Variants in EIF4E observed in about 807,000 individuals in gnomAD.
EIF4E encodes eIF-4F 25 kDa subunit.
For missense variants in EIF4E, 113 were observed against 265.6 expected (o/e 0.43, Z 3.99); for synonymous variants, 71 against 88.5 (o/e 0.80, Z 1.11).
chr4:98,892,732 CAG>C (rs771801785), intron 2 of EIF4E, among the ~76,000 whole-genome samples: 2 of 150,686 alleles, frequency 1.3e-5, no homozygotes, highest in Non-Finnish European at 2.9e-5. Context: ...TGATATTTCT[CAG>C]AGGAACAAAT....
intron 1 of EIF4E, among the ~76,000 whole-genome samples, chr4:98,927,600 A>G (rs181253290): frequency 1.5e-5 from 2 of 133,212 alleles, no homozygotes; most frequent in East Asian, 5.2e-4. Context: ...GGTTGCAGTG[A>G]GCCGAGATCA....
chr4:98,898,835 CAAT>C (rs1724527761), intron 2 of EIF4E, among the ~76,000 whole-genome samples: 1 of 151,636 alleles, frequency 6.6e-6, no homozygotes, highest in Non-Finnish European at 1.5e-5. Context: ...GTAGAGTCAC[CAAT>C]AATTTTTAAG....
chr4:98,915,333 A>G (rs1166789059), intron 1 of EIF4E, among the ~76,000 whole-genome samples: 1 of 152,204 alleles, frequency 6.6e-6, no homozygotes, highest in African/African-American at 2.4e-5. Context: ...GAAGTTCACA[A>G]ACAAGTGAAC....
At chr4:98,911,702 C>T (rs1725148931) in intron 1 of EIF4E, among the ~76,000 whole-genome samples, 1 of 147,446 alleles carries the variant, frequency 6.8e-6, no homozygotes, top group Non-Finnish European at 1.5e-5. Flanking sequence ...CTTGTGGTCA[C>T]CTTTTAACAT....
chr4:98,928,961 C>T, intron 1 of EIF4E, 134 bp downstream of exon 1: 2 of 1,578,268 alleles, frequency 1.3e-6, no homozygotes, highest in Non-Finnish European at 1.7e-6. Flanking sequence ...CGCGGGAGGT[C>T]AGGTCCAACA....
intron 5 of EIF4E, 186 bp downstream of exon 5, chr4:98,886,893 T>G: frequency 1.7e-6 from 1 of 577,958 alleles, no homozygotes; most frequent in Non-Finnish European, 3.1e-6. Context: ...ACTTATAATG[T>G]GGTAGGATGT....
chr4:98,901,743 C>T (rs2110198845), intron 2 of EIF4E, 133 bp downstream of exon 2: 3 of 838,826 alleles, frequency 3.6e-6, no homozygotes, highest in South Asian at 2.8e-5. Flanking sequence ...CATGGGTCAT[C>T]CAAGTGAAAA....
intron 1 of EIF4E, among the ~76,000 whole-genome samples, chr4:98,924,222 G>A (rs1177557698): frequency 1.3e-5 from 2 of 151,908 alleles, no homozygotes; most frequent in African/African-American, 4.8e-5. Context: ...GGGATTACAA[G>A]CACGCATCAC....
intron 1 of EIF4E, among the ~76,000 whole-genome samples, chr4:98,927,684 A>AAG (rs1721248303): frequency 7.8e-6 from 1 of 128,398 alleles, no homozygotes; most frequent in Non-Finnish European, 1.6e-5. Context: ...AAAAAAAAAA[A>AAG]AAGTCTTTAA....
chr4:98,898,392 A>C (rs1167197120), intron 2 of EIF4E, among the ~76,000 whole-genome samples: 1 of 152,068 alleles, frequency 6.6e-6, no homozygotes, highest in African/African-American at 2.4e-5. Flanking sequence ...GTGGATCATG[A>C]GGTCAGGAGT....
At chr4:98,915,545 C>CTT (rs879404692) in intron 1 of EIF4E, among the ~76,000 whole-genome samples, 1 of 144,434 alleles carries the variant, frequency 6.9e-6, no homozygotes, top group African/African-American at 2.6e-5. Flanking sequence ...TTGTAAATTA[C>CTT]TTTTTTTTTT....
At chr4:98,912,784 T>C (rs143781692) in intron 1 of EIF4E, among the ~76,000 whole-genome samples, 62 of 152,332 alleles carry the variant, frequency 4.1e-4, no homozygotes, top group Non-Finnish European at 6.3e-4. Context: ...ATTTAACTGC[T>C]ATTTAAACGT....
chr4:98,898,814 C>T lies in EIF4E; in HGVS notation c.125+3062G>A. On this transcript the variant is annotated intron_variant, in intron 2 of 6. Transcript: ENST00000450253. ...GTAAATAACAATAGATAAAAATCCA[C>T]ATAAAGCTCTGTAGAGTCACCAATA... is the stretch of plus-strand genomic sequence containing the variant. Among the ~76,000 whole-genome samples the T allele has an allele frequency of 1.3e-5, 2 of 152,076 alleles. 1 individual carries two copies. The highest frequency in any genetic ancestry group is 4.1e-4 in the South Asian group (2 of 4,822).
intron 2 of EIF4E, among the ~76,000 whole-genome samples, chr4:98,900,330 T>C (rs1579163805): frequency 6.6e-6 from 1 of 152,118 alleles, no homozygotes; most frequent in Non-Finnish European, 1.5e-5. Flanking sequence ...AGAATCTCCA[T>C]TGTCTAAAAA....
intron 2 of EIF4E, among the ~76,000 whole-genome samples, chr4:98,892,609 G>C (rs72893538): frequency 0.067 from 10,101 of 149,824 alleles, 1,114 homozygotes; most frequent in African/African-American, 0.23. Flanking sequence ...TTGAATCCAA[G>C]TGGTGGAGGT....
In EIF4E at chr4:98,900,925, A is replaced by C. The variant is rs115458573; in HGVS notation, c.125+951T>G. ...TCCCTGGCTCTCGTTTCTCATTCTC[A>C]GTCCAACTTCAAGTCACCTGTTCTT... is the stretch of plus-strand genomic sequence containing the variant. On this transcript the variant is annotated intron_variant, in intron 2 of 6. Transcript: ENST00000450253. Among the ~76,000 whole-genome samples the C allele has an allele frequency of 9.1e-3, 1,379 of 152,326 alleles. 7 individuals are homozygous for C. The highest frequency in any genetic ancestry group is 0.014 in the Middle Eastern group (4 of 294).
At chr4:98,895,190 G>T (rs1724322940) in intron 2 of EIF4E, 1 of 152,186 alleles carries the variant, frequency 6.6e-6, no homozygotes, top group African/African-American at 2.4e-5. Context: ...ACCGAAATGT[G>T]ACACAGAGAC....
chr4:98,899,646 A>T (rs537369342), intron 2 of EIF4E, among the ~76,000 whole-genome samples: 6 of 152,326 alleles, frequency 3.9e-5, no homozygotes, highest in Non-Finnish European at 8.8e-5. Flanking sequence ...TACAGCCATT[A>T]ATGTAAACCT....
intron 1 of EIF4E, among the ~76,000 whole-genome samples, chr4:98,905,231 TA>T (rs72074867): frequency 0.075 from 10,468 of 140,246 alleles, 1,085 homozygotes; most frequent in African/African-American, 0.24. Context: ...TCAGGGAATT[TA>T]AAAAAAAAAA....
Sources: gnomAD v4.1 joint callset for allele counts (sites outside exome capture counted in the v4.1 genomes callset) on GRCh38, gnomAD v4.1.1 for gene constraint, MANE v1.5 for transcripts, NCBI Gene and HGNC (gene_info 2026-07-23, HGNC 2026-07-21) for gene names.